The following ASPH variants were observed in gnomAD, a reference collection of about 807,000 sequenced individuals.
ASPH encodes the protein aspartate beta-hydroxylase.
Under a neutral mutation model 118.4 loss-of-function variants are expected in ASPH, and 100 were observed. That is an observed-to-expected ratio of 0.84 (90% CI 0.72 to 1.00). The LOEUF (loss-of-function observed/expected upper bound fraction) is 1.00. Ranked by LOEUF, ASPH falls within the 50% of genes least tolerant of loss-of-function variation. ASPH has a pLI of 0.00. For synonymous variants in ASPH, 315 were observed against 325.6 expected, an observed-to-expected ratio of 0.97 and a Z score of 0.35; for missense variants, 920 against 919.5, an observed-to-expected ratio of 1.00 and a Z score of -0.01.
intron 22 of ASPH, among the ~76,000 whole-genome samples, chr8:61,523,795 A>C (rs1198268587): frequency 1.3e-5 from 2 of 151,682 alleles, no homozygotes; most frequent in Non-Finnish European, 2.9e-5. Flanking sequence ...ATTCAGTTTT[A>C]AAATTTGAAG....
intron 18 of ASPH, among the ~76,000 whole-genome samples, chr8:61,558,858 G>A (rs1211002245): frequency 6.6e-6 from 1 of 152,120 alleles, no homozygotes; most frequent in Non-Finnish European, 1.5e-5. Context: ...GGTTTGAAAT[G>A]CATGGATTAT....
chr8:61,538,084 G>A (rs369490220), intron 21 of ASPH, among the ~76,000 whole-genome samples: 1 of 152,120 alleles, frequency 6.6e-6, no homozygotes, highest in Admixed American at 6.5e-5. Flanking sequence ...TTACCAAAAC[G>A]TCACGGGAGA....
chr8:61,670,810 C>T (rs188014140), intron 3 of ASPH, among the ~76,000 whole-genome samples: 1 of 151,114 alleles, frequency 6.6e-6, no homozygotes, highest in East Asian at 1.9e-4. Flanking sequence ...CAAAAAAATC[C>T]TGAGATAGTA....
At chr8:61,622,543 A>G (rs1414946288) in intron 13 of ASPH, among the ~76,000 whole-genome samples, 2 of 152,098 alleles carry the variant, frequency 1.3e-5, no homozygotes, top group Non-Finnish European at 2.9e-5. Context: ...TCTCTCCCTA[A>G]GCACCCAGAC....
At chr8:61,545,935 T>C (rs1356354782) in intron 21 of ASPH, among the ~76,000 whole-genome samples, 2 of 152,204 alleles carry the variant, frequency 1.3e-5, no homozygotes, top group Non-Finnish European at 2.9e-5. Flanking sequence ...CCTTAGATGA[T>C]AGAGAGGTAC....
chr8:61,673,533 G>A (rs531702031), intron 3 of ASPH, among the ~76,000 whole-genome samples: 4 of 152,270 alleles, frequency 2.6e-5, no homozygotes, highest in Admixed American at 2.6e-4. Context: ...TCTCAACTCT[G>A]AAAAGGTAAA....
intron 14 of ASPH, among the ~76,000 whole-genome samples, chr8:61,598,305 A>G (rs189238725): frequency 3.7e-4 from 56 of 152,318 alleles, no homozygotes; most frequent in Non-Finnish European, 6.5e-4. Context: ...AAATAGAAAG[A>G]CAGAAAAAGA....
At chr8:61,554,691 T>A (rs1402883771) in intron 19 of ASPH, among the ~76,000 whole-genome samples, 1 of 152,210 alleles carries the variant, frequency 6.6e-6, no homozygotes, top group Non-Finnish European at 1.5e-5. Context: ...TCTTTTTTTT[T>A]AGAGACTGGG....
At chr8:61,524,253 A>G (rs10504328) in intron 22 of ASPH, among the ~76,000 whole-genome samples, 13,491 of 152,174 alleles carry the variant, frequency 0.089, 683 homozygotes, top group Non-Finnish European at 0.12. Flanking sequence ...TGTAGGGAAT[A>G]CATCCAAACC....
intron 15 of ASPH, chr8:61,578,985 A>T: frequency 6.2e-7 from 1 of 1,610,910 alleles, no homozygotes. Context: ...CTCCCTGGAC[A>T]TGGACAGCAT....
At chr8:61,641,222 A>G (rs149730869) in intron 10 of ASPH, among the ~76,000 whole-genome samples, 88 of 152,338 alleles carry the variant, frequency 5.8e-4, no homozygotes, top group African/African-American at 2.0e-3. Flanking sequence ...ATGAAAACAT[A>G]TAACATTCTT....
chr8:61,565,914 C>CT, intron 17 of ASPH, among the ~76,000 whole-genome samples: 1 of 152,264 alleles, frequency 6.6e-6, no homozygotes, highest in South Asian at 2.1e-4. Flanking sequence ...TACTTGTGCT[C>CT]TATAAATGGG....
intron 24 of ASPH, among the ~76,000 whole-genome samples, chr8:61,506,044 C>G (rs1806423062): frequency 1.3e-5 from 2 of 152,204 alleles, no homozygotes; most frequent in Non-Finnish European, 2.9e-5. Context: ...CAGCACTATT[C>G]ACAACAGCTA....
chr8:61,506,408 G>A (rs1806582569), intron 24 of ASPH, among the ~76,000 whole-genome samples: 2 of 152,128 alleles, frequency 1.3e-5, no homozygotes, highest in Non-Finnish European at 2.9e-5. Flanking sequence ...CATGTTGATG[G>A]TTATACAATA....
intron 24 of ASPH, among the ~76,000 whole-genome samples, chr8:61,505,493 CAAAAAAAAA>C (rs59845860): frequency 1.8e-5 from 2 of 110,562 alleles, no homozygotes; most frequent in Non-Finnish European, 3.7e-5. Context: ...GACTCCATCT[CAAAAAAAAA>C]AAAAAAAAAA....
intron 20 of ASPH, 79 bp downstream of exon 20, chr8:61,552,952 A>T (rs910859308): frequency 2.6e-5 from 32 of 1,241,102 alleles, no homozygotes; most frequent in Admixed American, 8.0e-5. Flanking sequence ...TATTTTTTGA[A>T]TTCTAACTTT....
intron 13 of ASPH, chr8:61,623,635 AT>A (rs1403001036): frequency 6.6e-6 from 1 of 152,252 alleles, no homozygotes; most frequent in African/African-American, 2.4e-5. Flanking sequence ...GTCCTGGACA[AT>A]TTCCCCATTG....
At chr8:61,534,591 C>T (rs1382726619) in intron 21 of ASPH, among the ~76,000 whole-genome samples, 2 of 152,220 alleles carry the variant, frequency 1.3e-5, no homozygotes, top group Non-Finnish European at 2.9e-5. Context: ...ACTTTCCTTG[C>T]ATCACTTAGT....
intron 22 of ASPH, among the ~76,000 whole-genome samples, chr8:61,521,448 A>G (rs1474847102): frequency 6.6e-6 from 1 of 152,222 alleles, no homozygotes; most frequent in Non-Finnish European, 1.5e-5. Flanking sequence ...GAGGGATTTG[A>G]AGCTCAGAGA....
Sources: allele counts gnomAD v4.1 joint callset (sites outside exome capture counted in the v4.1 genomes callset), GRCh38; gene constraint gnomAD v4.1.1; transcripts MANE v1.5; gene names NCBI Gene and HGNC (gene_info 2026-07-23, HGNC 2026-07-21).